Variants in OLIG2 observed in about 807,000 individuals in gnomAD.
OLIG2 encodes oligodendrocyte transcription factor 2, also known as basic domain, helix-loop-helix protein, class B, 1.
OLIG2 carries 12 observed loss-of-function variants against 13.4 expected under a neutral mutation model. That is an observed-to-expected ratio of 0.90 (90% CI 0.58 to 1.46). OLIG2 has a LOEUF of 1.46. Ranked by LOEUF, OLIG2 falls within the 40% of genes most tolerant of loss-of-function variation. The pLI is 0.00. For missense variants in OLIG2, 415 were observed against 487.9 expected, an observed-to-expected ratio of 0.85 and a Z score of 1.41; for synonymous variants, 250 against 233.6, an observed-to-expected ratio of 1.07 and a Z score of -0.64.
rs527512475 is a variant in OLIG2 at position 33,026,770 on chromosome 21, T to TTC, written c.-62-23_-62-22dup. On this transcript the variant is annotated intron_variant, in intron 1 of 1. Transcript: ENST00000382357. The surrounding 1 kb of genome is among the most constrained non-coding windows in gnomAD (Gnocchi z 6.6). ...TCTCTCTCCCTCTCTCTCTCTCTCA[T>TTC]TCTCTCTCTTTTCTCCTCCTCTCCT... 2.0e-4 allele frequency: 281 copies of TTC among 1,413,398 alleles called. 6 individuals carry two copies. In the South Asian group the frequency reaches 3.4e-3, roughly 17 times the overall value. 87.6% of individuals were successfully genotyped at this position (1,413,398 alleles called of 1,614,324 possible).
Position 33,027,393 on chromosome 21 carries a change from C to T in OLIG2, c.531C>T (p.Tyr177=), listed in dbSNP as rs1485070775. The T allele has an allele frequency of 2.6e-6, 4 of 1,548,408 alleles. No homozygotes were observed. The highest frequency in any genetic ancestry group is 2.6e-6 in the Non-Finnish European group (3 of 1,147,054). Residue 177 remains tyrosine, a synonymous_variant, in exon 2 of 2, where the codon TAC becomes TAT. Transcript: ENST00000382357. Reference sequence around the variant, plus strand: ...TGAAGCGACTGGTGAGCGAGATCTACGGGGGCCACCACGCTGGCTTCCACC... The same window carrying T: ...TGAAGCGACTGGTGAGCGAGATCTATGGGGGCCACCACGCTGGCTTCCACC... The part of the protein sequence containing the change: ...EEMKRLVSEI[Y]GGHHAGFHPS...
Position 33,026,835 on chromosome 21 carries a change from G to A in OLIG2, c.-28G>A. 6.2e-7 allele frequency: 1 copy of A among 1,602,900 alleles called. No individual in the cohort carries two copies. Among genetic ancestry groups the A allele is most frequent in the Non-Finnish European group, 8.5e-7 (1 of 1,178,140 alleles). On this transcript the variant is annotated 5_prime_UTR_variant, in exon 2 of 2. Coordinates refer to ENST00000382357, the MANE Select transcript of OLIG2 (RefSeq NM_005806.4). This position sits in a 1 kb window ranked among gnomAD's most constrained non-coding sequence, Gnocchi z 6.6. ...CCGAGGGAAGGAGGACCCTGCGAAA[G>A]CTGCGACGACTATCTTCCCCTGGGG...
chr21:33,027,633 G>T lies in OLIG2; in HGVS notation c.771G>T (p.Pro257=), dbSNP rs1231418820. The change falls in exon 2 of 2, where the codon CCG becomes CCT. Residue 257 remains proline, a synonymous_variant. Transcript: ENST00000382357. The part of the protein sequence containing the change: ...GLPSVGSIRP[P]HGLLKSPSAA... ...CGTCGGTCGGCTCCATCCGTCCACCGCACGGCCTACTCAAGTCTCCGTCTG... is the reference window on the plus strand; with the variant it reads ...CGTCGGTCGGCTCCATCCGTCCACCTCACGGCCTACTCAAGTCTCCGTCTG... The T allele has an allele frequency of 3.4e-6, 5 of 1,467,202 alleles. No homozygotes were observed. Among genetic ancestry groups the T allele is most frequent in the Non-Finnish European group, 1.8e-6 (2 of 1,115,364 alleles). The allele number at this position is 1,467,202 out of a possible 1,614,324, so 90.9% of individuals were successfully genotyped here. A position where few individuals can be genotyped will look rare whatever the true frequency, so the allele number is the denominator to read the frequency against.
rs2123266734 is a variant in OLIG2, at chr21:33,026,651, G to A, written c.-62-150G>A. 1.6e-6 allele frequency: 1 copy of A among 611,812 alleles called. No individual in the cohort carries two copies. The allele number at this position is 611,812 out of a possible 1,614,324, so 37.9% of individuals were successfully genotyped here. A position where few individuals can be genotyped will look rare whatever the true frequency, so the allele number is the denominator to read the frequency against. On this transcript the variant is annotated intron_variant, in intron 1 of 1. Coordinates refer to ENST00000382357, the MANE Select transcript of OLIG2 (RefSeq NM_005806.4). This position sits in a 1 kb window ranked among gnomAD's most constrained non-coding sequence, Gnocchi z 6.6. Reference sequence around the variant, plus strand: ...GGCCAGAGATAGTAGCGAGGGGGACGAGGAGCCACGGGCCACCTGTGCCGG... The same window carrying A: ...GGCCAGAGATAGTAGCGAGGGGGACAAGGAGCCACGGGCCACCTGTGCCGG...
At position 33,026,891 on chromosome 21, in the gene OLIG2, G is replaced by T. The variant is rs1286651310; in HGVS notation, c.29G>T (p.Ser10Ile). MDSDASLVS[S>I]RPSSPEPDDL... is the part of the protein sequence containing the mutation. ...GACTCGGACGCCAGCCTGGTGTCCA[G>T]CCGCCCGTCGTCGCCAGAGCCCGAT... Residue 10 changes from serine (S) to isoleucine (I), a missense_variant, in exon 2 of 2, where the codon AGC (serine) becomes ATC (isoleucine). Coordinates refer to ENST00000382357, the MANE Select transcript of OLIG2 (RefSeq NM_005806.4). The surrounding 1 kb of genome is among the most constrained non-coding windows in gnomAD (Gnocchi z 6.6). 1.2e-6 allele frequency: 2 copies of T among 1,610,686 alleles called. No homozygotes were observed. Among genetic ancestry groups the T allele is most frequent in the Non-Finnish European group, 1.7e-6 (2 of 1,179,988 alleles).
chr21:33,027,490 C>T lies in OLIG2; in HGVS notation c.628C>T (p.His210Tyr). 6.7e-7 allele frequency: 1 copy of T among 1,481,530 alleles called. No individual in the cohort carries two copies. Among genetic ancestry groups the T allele is most frequent in the Non-Finnish European group, 8.9e-7 (1 of 1,125,514 alleles). The allele number at this position is 1,481,530 out of a possible 1,614,324, so 91.8% of individuals were successfully genotyped here. ...CACCGCGCACCCGGCAGCAGCAGCGCACGCCGCACATCACCCCGCGGTGCA... is the reference window on the plus strand; with the variant it reads ...CACCGCGCACCCGGCAGCAGCAGCGTACGCCGCACATCACCCCGCGGTGCA... ...AATAHPAAAA[H>Y]AAHHPAVHHP... Residue 210 changes from histidine (H) to tyrosine (Y), a missense_variant, in exon 2 of 2, where the codon CAC becomes TAC. His to Tyr is a moderately conservative substitution (Grantham distance 83, BLOSUM62 2). This residue lies in a region of OLIG2 where 243 missense variants were observed against 241.2 expected (regional missense o/e 1.01). Coordinates refer to ENST00000382357, the MANE Select transcript of OLIG2 (RefSeq NM_005806.4).
At position 33,027,070 on chromosome 21, in the gene OLIG2, C is replaced by G. The variant is rs143172291; in HGVS notation, c.208C>G (p.Leu70Val). Residue 70 changes from leucine (L) to valine (V), a missense_variant, in exon 2 of 2, where the codon CTA becomes GTA. Around this residue, in one of 3 missense-constraint regions of OLIG2, gnomAD observed 122 missense variants for 126.8 expected, o/e 0.96. Coordinates refer to ENST00000382357, the MANE Select transcript of OLIG2 (RefSeq NM_005806.4). Reference sequence around the variant, plus strand: ...TGCGGGCGCGCATCCTGGGGACAAGCTAGGAGGCAGTGGCTTCAAGTCATC... The same window carrying G: ...TGCGGGCGCGCATCCTGGGGACAAGGTAGGAGGCAGTGGCTTCAAGTCATC... ...GSAGAHPGDK[L>V]GGSGFKSSSS... 58 of 1,611,982 alleles carry G rather than the reference C, an allele frequency of 3.6e-5. No homozygotes were observed. The East Asian group carries it at 1.3e-3, about 36-fold the overall frequency.
In OLIG2 at chr21:33,026,817, A is replaced by G; in HGVS notation, c.-46A>G. On this transcript the variant is annotated 5_prime_UTR_variant, in exon 2 of 2. Coordinates refer to ENST00000382357, the MANE Select transcript of OLIG2 (RefSeq NM_005806.4). The surrounding 1 kb of genome is among the most constrained non-coding windows in gnomAD (Gnocchi z 6.6). ...TCCTGGAAGTTTTCGGGTCCGAGGG[A>G]AGGAGGACCCTGCGAAAGCTGCGAC... 6.3e-7 allele frequency: 1 copy of G among 1,595,964 alleles called. No homozygotes were observed. The highest frequency in any genetic ancestry group is 8.5e-7 in the Non-Finnish European group (1 of 1,175,724).
chr21:33,027,260 A>T lies in OLIG2; in HGVS notation c.398A>T (p.Glu133Val). 6.2e-7 allele frequency: 1 copy of T among 1,610,104 alleles called. No individual in the cohort carries two copies. Among genetic ancestry groups the T allele is most frequent in the South Asian group, 1.1e-5 (1 of 90,284 alleles). Residue 133 changes from glutamate (E) to valine (V), a missense_variant, in exon 2 of 2, where the codon GAG becomes GTG. Transcript: ENST00000382357. ...AACATCGCCATGGATGGCCTCCGCG[A>T]GGTCATGCCGTACGCACACGGCCCT... is the stretch of plus-strand genomic sequence containing the variant. ...DLNIAMDGLREVMPYAHGPSV... is the reference protein window; with the variant it reads ...DLNIAMDGLRVVMPYAHGPSV...
rs992107424 is a variant in OLIG2 at position 33,028,270 on chromosome 21, T to A, written c.*436T>A. On this transcript the variant is annotated 3_prime_UTR_variant, in exon 2 of 2. Transcript: ENST00000382357. ...GGGGGTGTTATGGGAGGGGGACACATTGGGGCCTTGCTCCTCTTCCTCCTT... is the reference window on the plus strand; with the variant it reads ...GGGGGTGTTATGGGAGGGGGACACAATGGGGCCTTGCTCCTCTTCCTCCTT... 1 of 242,612 alleles carries A rather than the reference T, an allele frequency of 4.1e-6. No homozygotes were observed. The highest frequency in any genetic ancestry group is 8.6e-6 in the Non-Finnish European group (1 of 116,834). 15.0% of individuals were successfully genotyped at this position (242,612 alleles called of 1,614,324 possible).
chr21:33,026,811 C>T lies in OLIG2; in HGVS notation c.-52C>T. On this transcript the variant is annotated 5_prime_UTR_variant, in exon 2 of 2. Coordinates refer to ENST00000382357, the MANE Select transcript of OLIG2 (RefSeq NM_005806.4). This position sits in a 1 kb window ranked among gnomAD's most constrained non-coding sequence, Gnocchi z 6.6. ...CTCCTCTCCTGGAAGTTTTCGGGTC[C>T]GAGGGAAGGAGGACCCTGCGAAAGC... is the stretch of plus-strand genomic sequence containing the variant. The T allele has an allele frequency of 6.3e-7, 1 of 1,587,838 alleles. No individual in the cohort carries two copies.
Position 33,028,248 on chromosome 21 carries a change from G to T in OLIG2, c.*414G>T. The T allele has an allele frequency of 4.0e-6, 1 of 247,486 alleles. No homozygotes were observed. The allele number at this position is 247,486 out of a possible 1,614,324, so 15.3% of individuals were successfully genotyped here. On this transcript the variant is annotated 3_prime_UTR_variant, in exon 2 of 2. Transcript: ENST00000382357. ...TGGGCAGCACTTCGGGGGGGGAGGG[G>T]GTGTTATGGGAGGGGGACACATTGG...
Position 33,028,546 on chromosome 21 carries a change from T to A in OLIG2, c.*712T>A, listed in dbSNP as rs772380592. 1 of 241,646 alleles carries A rather than the reference T, an allele frequency of 4.1e-6. No individual in the cohort carries two copies. The highest frequency in any genetic ancestry group is 8.8e-6 in the Non-Finnish European group (1 of 114,116). The allele number at this position is 241,646 out of a possible 1,614,324, so 15.0% of individuals were successfully genotyped here. A position where few individuals can be genotyped will look rare whatever the true frequency, so the allele number is the denominator to read the frequency against. On this transcript the variant is annotated 3_prime_UTR_variant, in exon 2 of 2. Coordinates refer to ENST00000382357, the MANE Select transcript of OLIG2 (RefSeq NM_005806.4). Reference sequence around the variant, plus strand: ...TGGTTTTCTAATAAATCTGTGGATGTTCCTTCTTCAACAGTATGAGCAAGT... The same window carrying A: ...TGGTTTTCTAATAAATCTGTGGATGATCCTTCTTCAACAGTATGAGCAAGT...
Position 33,028,185 on chromosome 21 carries a change from C to A in OLIG2, c.*351C>A, listed in dbSNP as rs1480632085. 5 of 278,826 alleles carry A rather than the reference C, an allele frequency of 1.8e-5. No individual in the cohort carries two copies. The highest frequency in any genetic ancestry group is 5.5e-5 in the East Asian group (1 of 18,082). The allele number at this position is 278,826 out of a possible 1,614,324, so 17.3% of individuals were successfully genotyped here. A position where few individuals can be genotyped will look rare whatever the true frequency, so the allele number is the denominator to read the frequency against. On this transcript the variant is annotated 3_prime_UTR_variant, in exon 2 of 2. Coordinates refer to ENST00000382357, the MANE Select transcript of OLIG2 (RefSeq NM_005806.4). ...CTCCGGGAAAAGATTCTAAAAACTTCTTTCCCTGAGAGCGTGGCCTGACTT... is the reference window on the plus strand; with the variant it reads ...CTCCGGGAAAAGATTCTAAAAACTTATTTCCCTGAGAGCGTGGCCTGACTT...
At position 33,027,634 on chromosome 21, in the gene OLIG2, C is replaced by T. The variant is rs1233235355; in HGVS notation, c.772C>T (p.His258Tyr). The change falls in exon 2 of 2, where the codon CAC (histidine) becomes TAC (tyrosine). Residue 258 changes from histidine (H) to tyrosine (Y), a missense_variant. By Grantham distance (83) the His-to-Tyr change is moderately conservative (BLOSUM62 2). Coordinates refer to ENST00000382357, the MANE Select transcript of OLIG2 (RefSeq NM_005806.4). Reference sequence around the variant, plus strand: ...GTCGGTCGGCTCCATCCGTCCACCGCACGGCCTACTCAAGTCTCCGTCTGC... The same window carrying T: ...GTCGGTCGGCTCCATCCGTCCACCGTACGGCCTACTCAAGTCTCCGTCTGC... The part of the protein sequence containing the change: ...LPSVGSIRPP[H>Y]GLLKSPSAAA... 2.7e-6 allele frequency: 4 copies of T among 1,467,722 alleles called. No individual in the cohort carries two copies. The highest frequency in any genetic ancestry group is 3.6e-6 in the Non-Finnish European group (4 of 1,115,754). The allele number at this position is 1,467,722 out of a possible 1,614,324, so 90.9% of individuals were successfully genotyped here. A position where few individuals can be genotyped will look rare whatever the true frequency, so the allele number is the denominator to read the frequency against.
Position 33,029,021 on chromosome 21 carries a change from CTTTGT to C in OLIG2, c.*1188_*1192del, listed in dbSNP as rs1981219680. On this transcript the variant is annotated 3_prime_UTR_variant, in exon 2 of 2. Coordinates refer to ENST00000382357, the MANE Select transcript of OLIG2 (RefSeq NM_005806.4). ...GGCGCTGCCTGCGTTGCAAACTGGG[CTTTGT>C]AGCGTCTGCCGTGTAACACCCTTCC... is the stretch of plus-strand genomic sequence containing the variant. 1 of 241,100 alleles carries C rather than the reference CTTTGT, an allele frequency of 4.1e-6. No individual in the cohort carries two copies. The highest frequency in any genetic ancestry group is 8.8e-6 in the Non-Finnish European group (1 of 113,712). 14.9% of individuals were successfully genotyped at this position (241,100 alleles called of 1,614,324 possible).
rs1420500522 is a variant in OLIG2, at chr21:33,028,672, A to G, written c.*838A>G. The G allele has an allele frequency of 8.3e-6, 2 of 240,510 alleles. No homozygotes were observed. Among genetic ancestry groups the G allele is most frequent in the East Asian group, 1.3e-4 (2 of 15,618 alleles). 14.9% of individuals were successfully genotyped at this position (240,510 alleles called of 1,614,324 possible). On this transcript the variant is annotated 3_prime_UTR_variant, in exon 2 of 2. Coordinates refer to ENST00000382357, the MANE Select transcript of OLIG2 (RefSeq NM_005806.4). ...TAGTTATTATTTTAAAATAGAAACT[A>G]CCCCACCGACTCATCTTTCCTTCTC...
In OLIG2 at chr21:33,026,619, AAAG is replaced by A; in HGVS notation, c.-62-181_-62-179del. ...AATTATAGGTACCCGCGTGCAGCTA[AAAG>A]GAGGGCCAGAGATAGTAGCGAGGGG... On this transcript the variant is annotated intron_variant, in intron 1 of 1. Transcript: ENST00000382357. This position sits in a 1 kb window ranked among gnomAD's most constrained non-coding sequence, Gnocchi z 6.6. The A allele has an allele frequency of 1.7e-6, 1 of 577,652 alleles. No individual in the cohort carries two copies. The highest frequency in any genetic ancestry group is 2.1e-5 in the South Asian group (1 of 47,854). 35.8% of individuals were successfully genotyped at this position (577,652 alleles called of 1,614,324 possible).
chr21:33,027,991 C>T lies in OLIG2; in HGVS notation c.*157C>T. 1 of 813,018 alleles carries T rather than the reference C, an allele frequency of 1.2e-6. No homozygotes were observed. Among genetic ancestry groups the T allele is most frequent in the Non-Finnish European group, 1.8e-6 (1 of 567,248 alleles). 50.4% of individuals were successfully genotyped at this position (813,018 alleles called of 1,614,324 possible). On this transcript the variant is annotated 3_prime_UTR_variant, in exon 2 of 2. Coordinates refer to ENST00000382357, the MANE Select transcript of OLIG2 (RefSeq NM_005806.4). ...GTGGGGATTCCAGCATCTGCGAACCCAAGCAATGGGGGCGCCCACAGAGCA... is the reference window on the plus strand; with the variant it reads ...GTGGGGATTCCAGCATCTGCGAACCTAAGCAATGGGGGCGCCCACAGAGCA...
Sources: allele counts gnomAD v4.1 joint callset, GRCh38; gene constraint gnomAD v4.1.1; regional missense constraint gnomAD v4.1.1; non-coding constraint Gnocchi (gnomAD v3.1); transcripts MANE v1.5; gene names NCBI Gene and HGNC (gene_info 2026-07-23, HGNC 2026-07-21).